Variants in RPS20 observed in about 807,000 individuals in gnomAD.
RPS20 encodes ribosomal protein S20.
RPS20 carries 3 observed loss-of-function variants against 15.3 expected under a neutral mutation model. That is an observed-to-expected ratio of 0.20 (90% confidence interval 0.09 to 0.51). The LOEUF is 0.51. Ranked by LOEUF, RPS20 falls within the 20% of genes least tolerant of loss-of-function variation. The pLI, the probability that RPS20 is intolerant of heterozygous loss-of-function variation, is 0.96. For synonymous variants in RPS20, 62 were observed against 47.8 expected, an observed-to-expected ratio of 1.30 and a Z score of -1.23; for missense variants, 67 against 145.9, an observed-to-expected ratio of 0.46 and a Z score of 2.79.
chr8:56,068,737 T>C (rs1304441520), downstream of RPS20, among the ~76,000 whole-genome samples: 1 of 147,608 alleles, frequency 6.8e-6, no homozygotes, highest in African/African-American at 2.5e-5. Context: ...ATGTGCACAG[T>C]TGCTTGAAAG....
chr8:56,068,956 G>A (rs866389455), downstream of RPS20, among the ~76,000 whole-genome samples: 1 of 150,338 alleles, frequency 6.7e-6, no homozygotes, highest in Non-Finnish European at 1.5e-5. Context: ...GCACTGCCAC[G>A]CCCAGCTAAT....
chr8:56,072,201 T>C (rs960462350), downstream of RPS20, among the ~76,000 whole-genome samples: 6 of 152,202 alleles, frequency 3.9e-5, no homozygotes, highest in Non-Finnish European at 8.8e-5. Context: ...CACTCCAGCC[T>C]GGACTGCAGA....
chr8:56,072,905 G>C, downstream of RPS20: 1 of 1,350,812 alleles, frequency 7.4e-7, no homozygotes, highest in African/African-American at 1.5e-5. Flanking sequence ...GTAGTTAACG[G>C]AATCCAGTTT....
Position 56,073,826 on chromosome 8 carries a change from CT to C in RPS20, c.104-59del, listed in dbSNP as rs747666156. On this transcript the variant is annotated intron_variant, in intron 2 of 3. Transcript: ENST00000009589. ...GAAACAATTAAAATCGGCTTAAGGC[CT>C]TCACTTCTGCTGGCTCAGAATAGCG... The C allele has an allele frequency of 1.5e-5, 22 of 1,473,070 alleles. 1 individual carries two copies. The highest frequency in any genetic ancestry group is 1.1e-4 in the South Asian group (10 of 88,308). 91.2% of individuals were successfully genotyped at this position (1,473,070 alleles called of 1,614,324 possible). A position where few individuals can be genotyped will look rare whatever the true frequency, so the allele number is the denominator to read the frequency against.
At chr8:56,073,416 G>C in intron 3 of RPS20, 144 bp from the exon 4 acceptor site, 1 of 676,082 alleles carries the variant, frequency 1.5e-6, no homozygotes, top group African/African-American at 1.8e-5. Flanking sequence ...AGGTACCATG[G>C]GTTGAAAATG....
At position 56,074,443 on chromosome 8, in the gene RPS20, G is replaced by A. The variant is rs189972370; in HGVS notation, c.-60C>T. ...CCTCGGCGAGAGCGAACAGCGGTGA[G>A]TCAGGAGCAGGAGCGTGCGGACCAA... On this transcript the variant is annotated 5_prime_UTR_variant, in exon 1 of 4. Transcript: ENST00000009589. 131 of 1,538,000 alleles carry A rather than the reference G, an allele frequency of 8.5e-5. No individual in the cohort carries two copies. The African/African-American group carries it at 1.4e-3, about 16-fold the overall frequency.
At chr8:56,073,037 A>G (rs889208761), downstream of RPS20, 5 of 1,574,828 alleles carry the variant, frequency 3.2e-6, no homozygotes, top group Non-Finnish European at 4.3e-6. Context: ...AGTATTCTGA[A>G]TAAAAACCAA....
downstream of RPS20, chr8:56,072,820 T>A (rs1249728666): frequency 8.9e-7 from 1 of 1,122,326 alleles, no homozygotes; most frequent in Non-Finnish European, 1.1e-6. Flanking sequence ...CCCATACCAA[T>A]CAGAATTTAT....
At chr8:56,067,903 G>A (rs368933519) in exon 6 of RPS20, 3 of 152,252 alleles carry the variant, frequency 2.0e-5, no homozygotes, top group African/African-American at 7.2e-5. Flanking sequence ...ATGGGTAAGA[G>A]GTTCAGTTTC....
downstream of RPS20, among the ~76,000 whole-genome samples, chr8:56,068,803 ATATCTTTT>A (rs1809677414): frequency 1.1e-5 from 1 of 92,608 alleles, no homozygotes; most frequent in Non-Finnish European, 2.2e-5. Context: ...CTTGGTGAAA[ATATCTTTT>A]TTTTTTTTTT....
downstream of RPS20, among the ~76,000 whole-genome samples, chr8:56,071,182 G>A (rs1281246390): frequency 2.0e-5 from 3 of 152,156 alleles, no homozygotes; most frequent in East Asian, 5.8e-4. Flanking sequence ...CCATGAAGCT[G>A]TCCTTCCACT....
intron 3 of RPS20, 178 bp from the exon 4 acceptor site, chr8:56,073,450 G>T: frequency 1.6e-6 from 1 of 638,664 alleles, no homozygotes; most frequent in Non-Finnish European, 2.7e-6. Context: ...CACTGTGCTA[G>T]GACACCACCC....
intron 2 of RPS20, 86 bp downstream of exon 2, chr8:56,073,974 G>C: frequency 1.6e-6 from 2 of 1,224,230 alleles, no homozygotes; most frequent in Middle Eastern, 1.9e-4. Flanking sequence ...AGTTCTTGCA[G>C]TCCACCTTCT....
At chr8:56,068,308 T>G (rs1414119457), downstream of RPS20, 1 of 152,114 alleles carries the variant, frequency 6.6e-6, no homozygotes, top group East Asian at 1.9e-4. Flanking sequence ...TTTGCTGAGG[T>G]GTGTGTATCA....
At chr8:56,069,728 G>A, downstream of RPS20, 3 of 1,551,310 alleles carry the variant, frequency 1.9e-6, no homozygotes, top group East Asian at 2.4e-5. Context: ...TTTGGCGGAG[G>A]AGAATGCAGT....
chr8:56,068,672 A>G (rs1563345555), downstream of RPS20: 1 of 151,530 alleles, frequency 6.6e-6, no homozygotes, highest in Non-Finnish European at 1.5e-5. Context: ...ATAATGAGCG[A>G]TTTTTTTTGT....
At chr8:56,070,530 G>GT (rs1209594025), downstream of RPS20, among the ~76,000 whole-genome samples, 2 of 152,016 alleles carry the variant, frequency 1.3e-5, no homozygotes, top group Non-Finnish European at 2.9e-5. Context: ...GAGCATAGGA[G>GT]TTTGAGACCA....
At chr8:56,071,487 T>C (rs1385325780), downstream of RPS20, among the ~76,000 whole-genome samples, 1 of 152,214 alleles carries the variant, frequency 6.6e-6, no homozygotes, top group Non-Finnish European at 1.5e-5. Flanking sequence ...AAATCCTTGA[T>C]GTTAACTGGG....
chr8:56,068,349 C>G (rs1008916493), downstream of RPS20: 8 of 151,944 alleles, frequency 5.3e-5, no homozygotes, highest in Non-Finnish European at 8.8e-5. Flanking sequence ...ACTAGCCTGG[C>G]CAAAATGGCA....
Sources: gnomAD v4.1 joint callset for allele counts (sites outside exome capture counted in the v4.1 genomes callset) on GRCh38, gnomAD v4.1.1 for gene constraint, MANE v1.5 for transcripts, NCBI Gene and HGNC (gene_info 2026-07-23, HGNC 2026-07-21) for gene names.